Variants in SNTB1 observed in about 807,000 individuals in gnomAD.
The protein encoded by SNTB1 is beta-1-syntrophin.
A neutral mutation model predicts 48.9 loss-of-function variants in SNTB1; 36 were observed. The ratio of observed to expected loss-of-function variants is 0.74; its 90% CI spans 0.56 to 0.97. The LOEUF (loss-of-function observed/expected upper bound fraction) is 0.97. Among genes scored for constraint, SNTB1 ranks in the 50% least tolerant of loss-of-function variants. SNTB1 has a pLI of 0.00. For missense variants in SNTB1, 786 were observed against 703.4 expected (o/e 1.12, Z -1.33); for synonymous variants, 299 against 294.6 (o/e 1.01, Z -0.15).
chr8:120,674,437 C>T (rs960389765), intron 2 of SNTB1, among the ~76,000 whole-genome samples: 5 of 152,110 alleles, frequency 3.3e-5, no homozygotes, highest in African/African-American at 1.2e-4. Context: ...ACAGATGTTA[C>T]TAAAAAGAAA....
Position 120,645,043 on chromosome 8 carries a change from A to C in SNTB1, c.789-12392T>G, listed in dbSNP as rs1156922204. Among the ~76,000 whole-genome samples, 17 of 147,162 alleles carry C rather than the reference A, an allele frequency of 1.2e-4. 1 individual carries two copies. The highest frequency in any genetic ancestry group is 9.4e-4 in the Admixed American group (14 of 14,816). ...TTTTCTTGTAAATTTGTTTGAGTTC[A>C]TTGTAGATTCTGGATATTAGCCCTT... On this transcript the variant is annotated intron_variant, in intron 2 of 6. Coordinates refer to ENST00000517992, the MANE Select transcript of SNTB1 (RefSeq NM_021021.4).
intron 1 of SNTB1, among the ~76,000 whole-genome samples, chr8:120,793,450 G>T (rs1224423543): frequency 1.3e-5 from 2 of 152,030 alleles, no homozygotes; most frequent in African/African-American, 4.8e-5. Context: ...TTCTAATCAT[G>T]CTGCTAAAAA....
At chr8:120,576,425 T>C (rs1481473017) in intron 3 of SNTB1, among the ~76,000 whole-genome samples, 1 of 152,242 alleles carries the variant, frequency 6.6e-6, no homozygotes, top group Non-Finnish European at 1.5e-5. Context: ...GATAGAAGCA[T>C]GTGTGTAGCT....
intron 3 of SNTB1, among the ~76,000 whole-genome samples, chr8:120,613,007 G>A (rs953271865): frequency 6.6e-6 from 1 of 152,108 alleles, no homozygotes; most frequent in Admixed American, 6.6e-5. Context: ...AATAAGTCAG[G>A]CACAGGAAGA....
At chr8:120,623,660 C>T (rs1042536229) in intron 3 of SNTB1, among the ~76,000 whole-genome samples, 13 of 152,176 alleles carry the variant, frequency 8.5e-5, no homozygotes, top group African/African-American at 2.2e-4. Flanking sequence ...GAGTAGAGTG[C>T]GTTCACCATC....
At chr8:120,807,654 GTTT>G (rs930168052) in intron 1 of SNTB1, among the ~76,000 whole-genome samples, 2 of 152,194 alleles carry the variant, frequency 1.3e-5, no homozygotes, top group African/African-American at 4.8e-5. Context: ...AGTGCATTAG[GTTT>G]TTAAGACTCA....
At chr8:120,794,490 T>A (rs962030592) in intron 1 of SNTB1, among the ~76,000 whole-genome samples, 1 of 149,228 alleles carries the variant, frequency 6.7e-6, no homozygotes, top group Non-Finnish European at 1.5e-5. Context: ...TATATATATA[T>A]ATACACACAC....
chr8:120,782,941 G>A (rs953500790), intron 1 of SNTB1, among the ~76,000 whole-genome samples: 2 of 152,114 alleles, frequency 1.3e-5, no homozygotes, highest in African/African-American at 2.4e-5. Context: ...TCATGCACTG[G>A]TCTTTATACT....
intron 1 of SNTB1, among the ~76,000 whole-genome samples, chr8:120,751,166 T>A (rs1459351800): frequency 6.6e-6 from 1 of 151,958 alleles, no homozygotes; most frequent in Non-Finnish European, 1.5e-5. Context: ...AAGTAAAAAG[T>A]GGAGTGAGGA....
intron 2 of SNTB1, among the ~76,000 whole-genome samples, chr8:120,665,615 G>GT (rs1357303396): frequency 6.6e-6 from 1 of 151,964 alleles, no homozygotes; most frequent in Non-Finnish European, 1.5e-5. Flanking sequence ...TTTAGTTATT[G>GT]TGTTTTTGGT....
At chr8:120,648,607 CT>C (rs1235703313) in intron 2 of SNTB1, among the ~76,000 whole-genome samples, 1 of 151,724 alleles carries the variant, frequency 6.6e-6, no homozygotes, top group East Asian at 1.9e-4. Context: ...ACATTTTTTC[CT>C]TCATTTCAAC....
At position 120,585,996 on chromosome 8, in the gene SNTB1, T is replaced by C. The variant is rs146077803; in HGVS notation, c.997-10771A>G. 1.5e-3 allele frequency among the ~76,000 whole-genome samples: 225 copies of C among 152,330 alleles called. 3 individuals carry two copies. The highest frequency in any genetic ancestry group is 6.4e-3 in the South Asian group (31 of 4,826). ...AGTGGCTCTTGACCTTTCCAGCTCATGGGATAGAAAACACTGGACACAAAA... is the reference window on the plus strand; with the variant it reads ...AGTGGCTCTTGACCTTTCCAGCTCACGGGATAGAAAACACTGGACACAAAA... On this transcript the variant is annotated intron_variant, in intron 3 of 6. Transcript: ENST00000517992.
At chr8:120,584,931 T>C (rs1358776529) in intron 3 of SNTB1, among the ~76,000 whole-genome samples, 1 of 152,206 alleles carries the variant, frequency 6.6e-6, no homozygotes, top group Non-Finnish European at 1.5e-5. Context: ...GCCAGCAATC[T>C]GGTGGTGACC....
In SNTB1 at chr8:120,573,740, T is replaced by A. The variant is rs1389169913; in HGVS notation, c.1136+1346A>T. On this transcript the variant is annotated intron_variant, in intron 4 of 6. Transcript: ENST00000517992. ...ATGGTGTAAAATAGGGTTCATTGTT[T>A]TGCATATGAATATCCAGTTTTCCCA... Among the ~76,000 whole-genome samples the A allele has an allele frequency of 4.6e-5, 7 of 152,190 alleles. No homozygotes were observed. The East Asian group carries it at 1.3e-3, about 29-fold the overall frequency.
At chr8:120,787,739 G>A (rs1819947578) in intron 1 of SNTB1, among the ~76,000 whole-genome samples, 1 of 152,106 alleles carries the variant, frequency 6.6e-6, no homozygotes, top group South Asian at 2.1e-4. Flanking sequence ...TATGTAAAAT[G>A]GCCAAACCTA....
chr8:120,613,159 G>A (rs915732874), intron 3 of SNTB1, among the ~76,000 whole-genome samples: 4 of 152,054 alleles, frequency 2.6e-5, no homozygotes, highest in Non-Finnish European at 2.9e-5. Context: ...AAACCAGCCT[G>A]GCCAACATGG....
intron 1 of SNTB1, among the ~76,000 whole-genome samples, chr8:120,695,339 A>G (rs1818194427): frequency 6.6e-6 from 1 of 152,204 alleles, no homozygotes; most frequent in African/African-American, 2.4e-5. Flanking sequence ...GAGTTACAAA[A>G]TCATGGGTGA....
chr8:120,635,504 A>G (rs148952551), intron 2 of SNTB1: 1 of 153,488 alleles, frequency 6.5e-6, no homozygotes, highest in African/African-American at 2.4e-5. Flanking sequence ...AGGTAACTTT[A>G]TTAAAGCAAA....
chr8:120,564,563 G>GTTTT (rs1243511893), intron 4 of SNTB1, among the ~76,000 whole-genome samples: 4 of 36,222 alleles, frequency 1.1e-4, no homozygotes, highest in African/African-American at 1.6e-4. Flanking sequence ...CTATTATTCT[G>GTTTT]GTTTTTTTTT....
Sources: gnomAD v4.1 joint callset for allele counts (sites outside exome capture counted in the v4.1 genomes callset) on GRCh38, gnomAD v4.1.1 for gene constraint, MANE v1.5 for transcripts, NCBI Gene and HGNC (gene_info 2026-07-23, HGNC 2026-07-21) for gene names.